Variants in TRHDE observed in about 807,000 individuals in gnomAD.
The protein encoded by TRHDE is thyrotropin releasing hormone degrading enzyme.
TRHDE carries 72 observed loss-of-function variants against 125.7 expected under a neutral mutation model. That is an observed-to-expected ratio of 0.57 (90% confidence interval 0.47 to 0.70). The LOEUF is 0.70. TRHDE is among the 30% of genes least tolerant of loss of function. The pLI is 0.00. For synonymous variants in TRHDE, 509 were observed against 509.1 expected (o/e 1.00, Z 0.00); for missense variants, 1,110 against 1,327.1 (o/e 0.84, Z 2.54).
At chr12:72,514,914 T>G (rs1157279806) in intron 6 of TRHDE, among the ~76,000 whole-genome samples, 1 of 149,428 alleles carries the variant, frequency 6.7e-6, no homozygotes, top group African/African-American at 2.5e-5. Context: ...TGCGATAGTT[T>G]ACTGAGAATG....
intron 5 of TRHDE, among the ~76,000 whole-genome samples, chr12:72,497,967 T>A (rs1053227438): frequency 2.9e-5 from 4 of 139,330 alleles, no homozygotes; most frequent in Non-Finnish European, 6.0e-5. Context: ...GTCATTTAAT[T>A]CAGTCTAAGT....
At chr12:72,217,796 C>G (rs530042265) in intron 2 of TRHDE, among the ~76,000 whole-genome samples, 40 of 152,206 alleles carry the variant, frequency 2.6e-4, no homozygotes, top group Admixed American at 5.9e-4. Flanking sequence ...TGCAGAACAA[C>G]AACCACCCAA....
intron 12 of TRHDE, among the ~76,000 whole-genome samples, chr12:72,592,609 T>C (rs1021476805): frequency 2.6e-5 from 4 of 152,054 alleles, no homozygotes; most frequent in African/African-American, 9.7e-5. Context: ...TTTTTCCAAG[T>C]AATTTTCTTG....
chr12:72,162,004 G>A (rs965263681), intron 2 of TRHDE, among the ~76,000 whole-genome samples: 1 of 152,146 alleles, frequency 6.6e-6, no homozygotes, highest in Non-Finnish European at 1.5e-5. Context: ...TATGGTTTGT[G>A]GATGTGGATC....
chr12:72,376,838 A>G (rs1164736904), intron 2 of TRHDE, among the ~76,000 whole-genome samples: 1 of 152,000 alleles, frequency 6.6e-6, no homozygotes, highest in African/African-American at 2.4e-5. Context: ...TTTTTTATTG[A>G]ATGTAAGTGT....
rs143568153 is a variant in TRHDE, at chr12:72,176,250, A to T, written n.279+70498A>T. Among the ~76,000 whole-genome samples the T allele has an allele frequency of 8.1e-4, 123 of 152,330 alleles. No individual in the cohort carries two copies. The Middle Eastern group carries it at 0.014, about 17-fold the overall frequency. On this transcript the variant is annotated intron_variant and non_coding_transcript_variant, in intron 2 of 4. Transcript: ENST00000548156. Reference sequence around the variant, plus strand: ...GCTGGGTGTGGTGGTGCACACCTGTAGTCCCAGCTACTCAGGAAGCCTAGG... The same window carrying T: ...GCTGGGTGTGGTGGTGCACACCTGTTGTCCCAGCTACTCAGGAAGCCTAGG...
chr12:72,207,234 G>T (rs1877685963), intron 2 of TRHDE, among the ~76,000 whole-genome samples: 2 of 152,076 alleles, frequency 1.3e-5, no homozygotes, highest in South Asian at 4.2e-4. Context: ...AGGACAGCAG[G>T]GCTATTACAT....
intron 2 of TRHDE, among the ~76,000 whole-genome samples, chr12:72,155,802 A>G (rs1205410548): frequency 6.6e-6 from 1 of 152,078 alleles, no homozygotes; most frequent in Non-Finnish European, 1.5e-5. Flanking sequence ...GTCTGCCCCT[A>G]CTGGGGGGTG....
intron 3 of TRHDE, among the ~76,000 whole-genome samples, chr12:72,413,411 A>G (rs1381888785): frequency 1.3e-5 from 2 of 151,754 alleles, no homozygotes; most frequent in African/African-American, 4.8e-5. Context: ...TCTAAGATTC[A>G]GTATGAAAAA....
chr12:72,648,175 GC>G (rs1214876397), intron 15 of TRHDE, among the ~76,000 whole-genome samples: 1 of 151,648 alleles, frequency 6.6e-6, no homozygotes, highest in Non-Finnish European at 1.5e-5. Flanking sequence ...TAAATACAAA[GC>G]ACTGACAAAA....
At chr12:72,390,981 A>G (rs972031498) in intron 3 of TRHDE, among the ~76,000 whole-genome samples, 5 of 152,186 alleles carry the variant, frequency 3.3e-5, no homozygotes, top group African/African-American at 1.2e-4. Context: ...TATAAAATTC[A>G]ACTTGGATGA....
chr12:72,583,823 G>C (rs998621170), intron 12 of TRHDE, among the ~76,000 whole-genome samples: 1 of 151,996 alleles, frequency 6.6e-6, no homozygotes, highest in African/African-American at 2.4e-5. Context: ...TGTTGTCCTT[G>C]GGATGAGGAT....
At chr12:72,637,755 T>C (rs1472324475) in intron 15 of TRHDE, among the ~76,000 whole-genome samples, 2 of 152,250 alleles carry the variant, frequency 1.3e-5, no homozygotes, top group Non-Finnish European at 2.9e-5. Flanking sequence ...CTTCATTGTG[T>C]TATGTACCCA....
At chr12:72,553,429 A>G (rs1869768551) in intron 7 of TRHDE, among the ~76,000 whole-genome samples, 1 of 152,194 alleles carries the variant, frequency 6.6e-6, no homozygotes, top group Admixed American at 6.5e-5. Context: ...AATCTGATAG[A>G]CAAATAACCC....
chr12:72,543,848 T>C (rs1459571737), intron 7 of TRHDE, among the ~76,000 whole-genome samples: 2 of 149,096 alleles, frequency 1.3e-5, no homozygotes, highest in Non-Finnish European at 3.0e-5. Context: ...TTTTTGTTCA[T>C]CCTGTCATAC....
At chr12:72,619,538 C>T (rs77681251) in intron 13 of TRHDE, among the ~76,000 whole-genome samples, 2,542 of 152,232 alleles carry the variant, frequency 0.017, 69 homozygotes, top group African/African-American at 0.058. Flanking sequence ...GGAAAGCAAA[C>T]AACAGACAAT....
chr12:72,622,907 A>G lies in TRHDE; in HGVS notation c.2675+1156A>G, dbSNP rs1565813716. Among the ~76,000 whole-genome samples the G allele has an allele frequency of 2.6e-5, 4 of 152,108 alleles. No homozygotes were observed. The South Asian group carries it at 8.3e-4, about 32-fold the overall frequency. ...CTGGTCTTATACAAGCTAAAAAGGA[A>G]AATATTTTATCAGTATCATCTACCA... On this transcript the variant is annotated intron_variant, in intron 15 of 18. Coordinates refer to ENST00000261180, the MANE Select transcript of TRHDE (RefSeq NM_013381.3).
At chr12:72,144,846 C>T (rs1365511589) in intron 2 of TRHDE, among the ~76,000 whole-genome samples, 1 of 152,142 alleles carries the variant, frequency 6.6e-6, no homozygotes, top group African/African-American at 2.4e-5. Context: ...TCAGCTTGCC[C>T]CTCTTGGTAT....
At chr12:72,331,153 T>G (rs1011204000) in intron 2 of TRHDE, among the ~76,000 whole-genome samples, 2 of 152,230 alleles carry the variant, frequency 1.3e-5, no homozygotes, top group Non-Finnish European at 2.9e-5. Flanking sequence ...TATCATTTAC[T>G]CTCTTTAAGT....
Sources: allele counts gnomAD v4.1 joint callset (sites outside exome capture counted in the v4.1 genomes callset), GRCh38; gene constraint gnomAD v4.1.1; transcripts MANE v1.5; gene names NCBI Gene and HGNC (gene_info 2026-07-23, HGNC 2026-07-21).